The following GALNT13 variants were observed in gnomAD, a reference collection of about 807,000 sequenced individuals.
GALNT13 encodes polypeptide N-acetylgalactosaminyltransferase 13.
In GALNT13, 28 loss-of-function variants were observed where a neutral mutation model predicts 64.2. The ratio of observed to expected loss-of-function variants is 0.44; its 90% CI spans 0.32 to 0.60. The LOEUF is 0.60. GALNT13 is among the 20% of genes least tolerant of loss of function. The pLI is 0.05. For missense variants in GALNT13, 577 were observed against 669.8 expected, an observed-to-expected ratio of 0.86 and a Z score of 1.53; for synonymous variants, 214 against 224.6, an observed-to-expected ratio of 0.95 and a Z score of 0.42.
the GALNT13 span, among the ~76,000 whole-genome samples, chr2:153,465,930 G>T: frequency 6.6e-6 from 1 of 151,960 alleles, no homozygotes; most frequent in Non-Finnish European, 1.5e-5. Flanking sequence ...CCTAACTCAG[G>T]GTGGGCTTTC....
At chr2:153,610,938 A>G in the GALNT13 span, among the ~76,000 whole-genome samples, 3 of 152,326 alleles carry the variant, frequency 2.0e-5, no homozygotes, top group East Asian at 5.8e-4. Context: ...TCTTGGACCA[A>G]GAAGCACAGT....
At chr2:154,094,411 C>T (rs937211260) in intron 3 of GALNT13, among the ~76,000 whole-genome samples, 1 of 151,896 alleles carries the variant, frequency 6.6e-6, no homozygotes, top group Non-Finnish European at 1.5e-5. Context: ...CTTATGGTTA[C>T]TAAGGCACTC....
At chr2:153,531,367 A>T in the GALNT13 span, among the ~76,000 whole-genome samples, 1 of 152,100 alleles carries the variant, frequency 6.6e-6, no homozygotes, top group Non-Finnish European at 1.5e-5. Flanking sequence ...GGGAGATGCC[A>T]CACACTTTTA....
chr2:153,245,206 T>C, the GALNT13 span, among the ~76,000 whole-genome samples: 1 of 152,212 alleles, frequency 6.6e-6, no homozygotes, highest in Admixed American at 6.5e-5. Flanking sequence ...TTCCTCAGAC[T>C]TAATTTTTCT....
At chr2:154,074,084 T>G (rs1026416479) in intron 3 of GALNT13, among the ~76,000 whole-genome samples, 1 of 151,926 alleles carries the variant, frequency 6.6e-6, no homozygotes, top group African/African-American at 2.4e-5. Flanking sequence ...TTTTAAATTA[T>G]ACTGTTAAAT....
intron 3 of GALNT13, among the ~76,000 whole-genome samples, chr2:154,115,378 G>A (rs1354848310): frequency 2.0e-5 from 3 of 152,088 alleles, no homozygotes; most frequent in African/African-American, 4.8e-5. Context: ...ATGTATACAT[G>A]TGCCATGATG....
chr2:153,694,278 T>C, the GALNT13 span, among the ~76,000 whole-genome samples: 5 of 152,182 alleles, frequency 3.3e-5, no homozygotes. Context: ...GGAGGCCGTA[T>C]GCATAGGTGA....
intron 11 of GALNT13, among the ~76,000 whole-genome samples, chr2:154,420,945 C>T (rs140350214): frequency 2.0e-4 from 31 of 152,228 alleles, no homozygotes; most frequent in African/African-American, 6.0e-4. Flanking sequence ...TTTGCAATTC[C>T]ATCCTAGTTA....
At chr2:153,471,179 G>A in the GALNT13 span, among the ~76,000 whole-genome samples, 6,046 of 152,206 alleles carry the variant, frequency 0.04, 182 homozygotes, top group Middle Eastern at 0.068. Context: ...GATAGATCCC[G>A]AAGGACATGT....
intron 3 of GALNT13, among the ~76,000 whole-genome samples, chr2:154,098,063 G>A (rs1702158718): frequency 6.6e-6 from 1 of 150,982 alleles, no homozygotes. Flanking sequence ...GTGCTCTAGG[G>A]CTCAGTGTGT....
chr2:154,360,683 T>C (rs1290790778), intron 9 of GALNT13, among the ~76,000 whole-genome samples: 3 of 152,166 alleles, frequency 2.0e-5, no homozygotes, highest in Non-Finnish European at 4.4e-5. Context: ...TAAATGTGAC[T>C]ATTCAGTATA....
At chr2:153,699,894 C>T in the GALNT13 span, among the ~76,000 whole-genome samples, 1 of 152,094 alleles carries the variant, frequency 6.6e-6, no homozygotes, top group Non-Finnish European at 1.5e-5. Context: ...CGATTCACAG[C>T]CGAATTCTAC....
chr2:153,826,736 A>C, the GALNT13 span, among the ~76,000 whole-genome samples: 10 of 152,254 alleles, frequency 6.6e-5, no homozygotes, highest in African/African-American at 2.4e-4. Flanking sequence ...AACTAGATGA[A>C]AAGCTCTTTC....
chr2:153,624,015 T>G, the GALNT13 span, among the ~76,000 whole-genome samples: 1 of 152,092 alleles, frequency 6.6e-6, no homozygotes, highest in Non-Finnish European at 1.5e-5. Context: ...GTTCTAACCA[T>G]GAACATGCCT....
chr2:154,242,535 T>A (rs1424996233), intron 5 of GALNT13, among the ~76,000 whole-genome samples, 163 bp from the exon 6 acceptor site: 1 of 152,226 alleles, frequency 6.6e-6, no homozygotes, highest in Non-Finnish European at 1.5e-5. Flanking sequence ...ATACTTGACA[T>A]TAATTAACTA....
At chr2:153,858,432 G>A in the GALNT13 span, among the ~76,000 whole-genome samples, 1 of 152,142 alleles carries the variant, frequency 6.6e-6, no homozygotes, top group Non-Finnish European at 1.5e-5. Flanking sequence ...GGAGCGCAGG[G>A]AGAGAAACAG....
the GALNT13 span, among the ~76,000 whole-genome samples, chr2:153,821,775 A>C: frequency 1.3e-5 from 2 of 152,204 alleles, no homozygotes; most frequent in Non-Finnish European, 2.9e-5. Context: ...AATCATATAA[A>C]GTATTAATGA....
chr2:154,010,569 C>T (rs1696564765), intron 3 of GALNT13, among the ~76,000 whole-genome samples: 1 of 152,076 alleles, frequency 6.6e-6, no homozygotes, highest in Non-Finnish European at 1.5e-5. Flanking sequence ...GTGTCTCTTC[C>T]AGCATTTCAT....
intron 1 of GALNT13, among the ~76,000 whole-genome samples, chr2:153,897,342 G>A (rs942236561): frequency 4.6e-5 from 7 of 152,002 alleles, no homozygotes; most frequent in Non-Finnish European, 7.4e-5. Flanking sequence ...GATATGGAGC[G>A]CAATATTCTC....
Sources: allele counts gnomAD v4.1 joint callset (sites outside exome capture counted in the v4.1 genomes callset), GRCh38; gene constraint gnomAD v4.1.1; transcripts MANE v1.5; gene names NCBI Gene and HGNC (gene_info 2026-07-23, HGNC 2026-07-21).